ARPP21: variants seen among roughly 807,000 people sequenced by gnomAD.
ARPP21 encodes the protein cAMP-regulated phosphoprotein 21.
A neutral mutation model predicts 113.2 loss-of-function variants in ARPP21; 69 were observed. The ratio of observed to expected loss-of-function variants is 0.61; its 90% confidence interval spans 0.50 to 0.74. The LOEUF (loss-of-function observed/expected upper bound fraction) is 0.74. Ranked by LOEUF, ARPP21 falls within the 30% of genes least tolerant of loss-of-function variation. The pLI, the probability that ARPP21 is intolerant of heterozygous loss-of-function variation, is 0.00. For missense variants in ARPP21, 1,070 were observed against 1,037.4 expected (o/e 1.03, Z -0.43); for synonymous variants, 368 against 375.5 (o/e 0.98, Z 0.23).
chr3:35,656,453 A>T (rs1704957307), intron 1 of ARPP21, among the ~76,000 whole-genome samples: 1 of 152,102 alleles, frequency 6.6e-6, no homozygotes, highest in South Asian at 2.1e-4. Context: ...ACTGCAGTAC[A>T]TCCATAGAGT....
intron 5 of ARPP21, 86 bp from the exon 6 acceptor site, chr3:35,687,653 C>G: frequency 7.9e-7 from 1 of 1,264,198 alleles, no homozygotes; most frequent in Non-Finnish European, 1.1e-6. Flanking sequence ...TTTCATTTTT[C>G]TATACTTTAT....
intron 1 of ARPP21, among the ~76,000 whole-genome samples, chr3:35,669,335 T>C (rs754032683): frequency 2.0e-5 from 3 of 152,148 alleles, no homozygotes; most frequent in African/African-American, 7.2e-5. Context: ...TCCTTTCTTA[T>C]CTACTTTAAA....
intron 9 of ARPP21, among the ~76,000 whole-genome samples, chr3:35,697,984 G>T (rs2084710852): frequency 1.3e-5 from 2 of 151,480 alleles, no homozygotes; most frequent in Non-Finnish European, 1.5e-5. Context: ...ATGAGTGGTT[G>T]GTTGGCATCC....
chr3:35,737,980 C>T (rs2094457450), intron 16 of ARPP21, among the ~76,000 whole-genome samples: 1 of 152,204 alleles, frequency 6.6e-6, no homozygotes, highest in Non-Finnish European at 1.5e-5. Context: ...ATCTAACCAA[C>T]AATATCAAAC....
At chr3:35,652,387 GCC>G (rs1034471321) in intron 1 of ARPP21, among the ~76,000 whole-genome samples, 4 of 152,128 alleles carry the variant, frequency 2.6e-5, no homozygotes, top group African/African-American at 9.6e-5. Context: ...TAAAAGATTT[GCC>G]CAAAGGATCT....
intron 12 of ARPP21, 156 bp downstream of exon 12, chr3:35,715,632 C>T (rs2092280725): frequency 7.9e-6 from 4 of 506,438 alleles, no homozygotes; most frequent in Non-Finnish European, 1.4e-5. Context: ...TGTTATTTAA[C>T]ACATCTACAA....
intron 1 of ARPP21, among the ~76,000 whole-genome samples, chr3:35,676,605 T>A (rs2149393544): frequency 6.6e-6 from 1 of 152,006 alleles, no homozygotes; most frequent in East Asian, 1.9e-4. Flanking sequence ...GTAAAGCTCC[T>A]GGTTGAGTGT....
In ARPP21 at chr3:35,737,311, A is replaced by G. The variant is rs2150698066; in HGVS notation, c.1593A>G (p.Gln531=). Residue 531 remains glutamine, a synonymous_variant, in exon 16 of 21, where the codon CAA becomes CAG. Transcript: ENST00000684406. ...AGCAGCAGCCCTCCCCGCAGCCCCAACAGCAGGTCCAGCCACCGCAGCCAC... is the reference window on the plus strand; with the variant it reads ...AGCAGCAGCCCTCCCCGCAGCCCCAGCAGCAGGTCCAGCCACCGCAGCCAC... ...PPQQQPSPQP[Q]QQVQPPQPQM... 1 of 1,612,828 alleles carries G rather than the reference A, an allele frequency of 6.2e-7. No homozygotes were observed. Among genetic ancestry groups the G allele is most frequent in the Non-Finnish European group, 8.5e-7 (1 of 1,179,288 alleles).
chr3:35,673,012 T>C (rs1053850419), intron 1 of ARPP21, among the ~76,000 whole-genome samples: 5 of 152,076 alleles, frequency 3.3e-5, no homozygotes, highest in African/African-American at 7.2e-5. Flanking sequence ...ATAATCTACG[T>C]AGAAAACTCA....
chr3:35,789,820 T>G (rs1314490608), intron 19 of ARPP21, among the ~76,000 whole-genome samples: 3 of 152,184 alleles, frequency 2.0e-5, no homozygotes, highest in Non-Finnish European at 4.4e-5. Flanking sequence ...TTGCTTCTTC[T>G]TCCAACCAAG....
chr3:35,759,472 T>G (rs1404906268), intron 19 of ARPP21, among the ~76,000 whole-genome samples: 2 of 152,118 alleles, frequency 1.3e-5, no homozygotes, highest in Non-Finnish European at 2.9e-5. Context: ...GTTGTAGACT[T>G]TCTCTTTTTT....
chr3:35,664,129 G>T (rs1351531742), intron 1 of ARPP21, among the ~76,000 whole-genome samples: 3 of 152,162 alleles, frequency 2.0e-5, no homozygotes, highest in African/African-American at 7.2e-5. Flanking sequence ...ATAGAACCCT[G>T]TGACTTGAAC....
At chr3:35,708,394 A>AT (rs2089977815) in intron 10 of ARPP21, among the ~76,000 whole-genome samples, 1 of 152,260 alleles carries the variant, frequency 6.6e-6, no homozygotes, top group South Asian at 2.1e-4. Flanking sequence ...ACCTGAGGTC[A>AT]TTCATTCTAT....
chr3:35,755,521 C>T (rs2095541318), intron 19 of ARPP21, among the ~76,000 whole-genome samples: 1 of 152,022 alleles, frequency 6.6e-6, no homozygotes, highest in Non-Finnish European at 1.5e-5. Flanking sequence ...CTATTCTGCA[C>T]ATGTCTCTCC....
chr3:35,658,857 G>A (rs1706285630), intron 1 of ARPP21, among the ~76,000 whole-genome samples: 1 of 152,032 alleles, frequency 6.6e-6, no homozygotes, highest in Admixed American at 6.6e-5. Flanking sequence ...AGTGAGAGAT[G>A]GAGTGCAGGC....
intron 19 of ARPP21, among the ~76,000 whole-genome samples, chr3:35,759,605 A>G (rs2095687950): frequency 6.6e-6 from 1 of 152,026 alleles, no homozygotes; most frequent in African/African-American, 2.4e-5. Context: ...TAGAAAAAAC[A>G]AAAGAATTAG....
At chr3:35,788,013 G>A (rs1186151486) in intron 19 of ARPP21, among the ~76,000 whole-genome samples, 1 of 152,160 alleles carries the variant, frequency 6.6e-6, no homozygotes, top group Non-Finnish European at 1.5e-5. Context: ...CATAACAAGA[G>A]CTTAATTCAC....
chr3:35,711,630 T>C lies in ARPP21; in HGVS notation c.897+2560T>C, dbSNP rs532840467. Reference sequence around the variant, plus strand: ...TTCTAGCTCAGAGTCTTACATGAGGTTGCAGTTAAGCTGTCAACTGGGGCT... The same window carrying C: ...TTCTAGCTCAGAGTCTTACATGAGGCTGCAGTTAAGCTGTCAACTGGGGCT... On this transcript the variant is annotated intron_variant, in intron 11 of 20. Transcript: ENST00000684406. 2.6e-5 allele frequency among the ~76,000 whole-genome samples: 4 copies of C among 152,290 alleles called. No individual in the cohort carries two copies. The South Asian group carries it at 8.3e-4, about 32-fold the overall frequency.
At chr3:35,648,416 G>A (rs1482654784) in intron 1 of ARPP21, among the ~76,000 whole-genome samples, 3 of 152,080 alleles carry the variant, frequency 2.0e-5, no homozygotes, top group African/African-American at 7.2e-5. Flanking sequence ...ATGGGAGCTG[G>A]GACTAACAAC....
Sources: gnomAD v4.1 joint callset for allele counts (sites outside exome capture counted in the v4.1 genomes callset) on GRCh38, gnomAD v4.1.1 for gene constraint, MANE v1.5 for transcripts, NCBI Gene and HGNC (gene_info 2026-07-23, HGNC 2026-07-21) for gene names.